The following PRKN variants were observed in gnomAD, a reference collection of about 807,000 sequenced individuals.
The protein encoded by PRKN is E3 ubiquitin-protein ligase parkin.
A neutral mutation model predicts 59.5 loss-of-function variants in PRKN; 56 were observed. The ratio of observed to expected loss-of-function variants is 0.94; its 90% confidence interval spans 0.76 to 1.18. The LOEUF (loss-of-function observed/expected upper bound fraction) is 1.18. Ranked by LOEUF, PRKN falls within the 50% of genes most tolerant of loss-of-function variation. The pLI is 0.00. For missense variants in PRKN, 657 were observed against 596.4 expected (o/e 1.10, Z -1.06); for synonymous variants, 250 against 222.1 (o/e 1.13, Z -1.12).
Position 161,369,410 on chromosome 6 carries a change from C to T in PRKN, c.1168-9205G>A, listed in dbSNP as rs1473325513. ...TTCATCCTCTGGAGGGCGATTCTCC[C>T]TTTGCGCCTGAAGAGGAACATGGTG... On this transcript the variant is annotated intron_variant, in intron 10 of 11. Coordinates refer to ENST00000366898, the MANE Select transcript of PRKN (RefSeq NM_004562.3). This position sits in a 1 kb window ranked among gnomAD's most constrained non-coding sequence, Gnocchi z 5.8. Among the ~76,000 whole-genome samples, 2 of 152,188 alleles carry T rather than the reference C, an allele frequency of 1.3e-5. No individual in the cohort carries two copies. The highest frequency in any genetic ancestry group is 3.9e-4 in the East Asian group (2 of 5,184).
At position 161,498,490 on chromosome 6, in the gene PRKN, A is replaced by G. The variant is rs954751124; in HGVS notation, c.1083+50364T>C. Among the ~76,000 whole-genome samples the G allele has an allele frequency of 1.3e-5, 2 of 152,140 alleles. No individual in the cohort carries two copies. The highest frequency in any genetic ancestry group is 4.8e-5 in the African/African-American group (2 of 41,430). On this transcript the variant is annotated intron_variant, in intron 9 of 11. Transcript: ENST00000366898. The surrounding 1 kb of genome is among the most constrained non-coding windows in gnomAD (Gnocchi z 4.2). ...TCCCTTCTCCCTGAGAGCTTGTGGG[A>G]AGGGTGTGCTGTCCTAACCCAGTTA...
chr6:162,010,957 TAA>T, intron 5 of PRKN, among the ~76,000 whole-genome samples: 1 of 22,168 alleles, frequency 4.5e-5, no homozygotes, highest in African/African-American at 2.4e-4. Flanking sequence ...AATATATAAT[TAA>T]TATAAATAAT....
At chr6:161,843,600 A>G (rs775941281) in intron 6 of PRKN, among the ~76,000 whole-genome samples, 72 of 152,194 alleles carry the variant, frequency 4.7e-4, no homozygotes, top group Admixed American at 1.8e-3. Context: ...AATCTGGCCA[A>G]CATGGTGAAA....
intron 2 of PRKN, among the ~76,000 whole-genome samples, chr6:162,275,800 A>G (rs1162932514): frequency 3.3e-5 from 5 of 151,284 alleles, no homozygotes; most frequent in Middle Eastern, 3.4e-3. Flanking sequence ...AAAAAAAACG[A>G]AATTACAGAC....
chr6:162,070,527 T>C (rs1435655732), intron 4 of PRKN, among the ~76,000 whole-genome samples: 1 of 152,110 alleles, frequency 6.6e-6, no homozygotes, highest in Non-Finnish European at 1.5e-5. Context: ...CTGAGGTCAG[T>C]GGGCTGGTGT....
At chr6:161,862,750 G>C (rs9295172) in intron 6 of PRKN, among the ~76,000 whole-genome samples, 1 of 151,486 alleles carries the variant, frequency 6.6e-6, no homozygotes, top group African/African-American at 2.4e-5. Flanking sequence ...ATTCAGAGGC[G>C]AGAAGGAGTC....
chr6:161,387,001 T>C lies in PRKN; in HGVS notation c.1084-124A>G, dbSNP rs1583005298. The C allele has an allele frequency of 6.2e-6, 5 of 806,330 alleles. No individual in the cohort carries two copies. In the East Asian group the frequency reaches 1.0e-4, roughly 16 times the overall value. The allele number at this position is 806,330 out of a possible 1,614,324, so 49.9% of individuals were successfully genotyped here. ...TTGTGCAACAGTTTCTGTATAAAAA[T>C]ACTTTTTTTGCAAAGAGAAATCAAG... On this transcript the variant is annotated intron_variant, in intron 9 of 11. Coordinates refer to ENST00000366898, the MANE Select transcript of PRKN (RefSeq NM_004562.3).
Position 161,593,003 on chromosome 6 carries a change from A to G in PRKN, c.872-23587T>C, listed in dbSNP as rs1781779124. Among the ~76,000 whole-genome samples the G allele has an allele frequency of 6.6e-6, 1 of 152,176 alleles. No individual in the cohort carries two copies. The highest frequency in any genetic ancestry group is 1.5e-5 in the Non-Finnish European group (1 of 68,032). Reference sequence around the variant, plus strand: ...ATTTTAGAAGGCATTCTACATTATAATAATGTGAGATTTACAGAAGAGTTG... The same window carrying G: ...ATTTTAGAAGGCATTCTACATTATAGTAATGTGAGATTTACAGAAGAGTTG... On this transcript the variant is annotated intron_variant, in intron 7 of 11. Transcript: ENST00000366898. This position sits in a 1 kb window ranked among gnomAD's most constrained non-coding sequence, Gnocchi z 4.8.
At chr6:161,351,257 G>C (rs1308002227) in intron 11 of PRKN, among the ~76,000 whole-genome samples, 1 of 147,414 alleles carries the variant, frequency 6.8e-6, no homozygotes, top group African/African-American at 2.5e-5. Flanking sequence ...TCTTTCTATA[G>C]TGCCACTTAC....
chr6:162,636,127 A>T (rs1777701609), intron 1 of PRKN, among the ~76,000 whole-genome samples: 2 of 150,424 alleles, frequency 1.3e-5, no homozygotes, highest in Non-Finnish European at 2.9e-5. Flanking sequence ...AGCAACAGCT[A>T]TATATTACTT....
In PRKN at chr6:161,707,824, T is replaced by A. The variant is rs538622661; in HGVS notation, c.871+77948A>T. ...CCGTCACTGCCTGCTGCTTTTTTTA[T>A]CCAGGCAAGGAAGCTTCCTAGGGCT... On this transcript the variant is annotated intron_variant, in intron 7 of 11. Transcript: ENST00000366898. Among the ~76,000 whole-genome samples, 4 of 152,292 alleles carry A rather than the reference T, an allele frequency of 2.6e-5. No homozygotes were observed. The South Asian group carries it at 6.2e-4, about 24-fold the overall frequency.
intron 2 of PRKN, among the ~76,000 whole-genome samples, chr6:162,302,408 C>T (rs1319643309): frequency 2.6e-5 from 4 of 152,108 alleles, no homozygotes; most frequent in South Asian, 4.1e-4. Context: ...TTAAAAGAGA[C>T]GTAGCTCATC....
intron 7 of PRKN, among the ~76,000 whole-genome samples, chr6:161,599,910 C>T (rs1266382017): frequency 1.3e-5 from 2 of 152,170 alleles, no homozygotes; most frequent in Non-Finnish European, 2.9e-5. Context: ...CAGGGATTCT[C>T]AAATGTTTCT....
intron 2 of PRKN, among the ~76,000 whole-genome samples, chr6:162,298,370 A>G (rs1476056006): frequency 6.6e-6 from 1 of 151,988 alleles, no homozygotes; most frequent in African/African-American, 2.4e-5. Flanking sequence ...AAGACCTAAC[A>G]ATAGTAACAG....
intron 2 of PRKN, among the ~76,000 whole-genome samples, chr6:162,369,916 C>T (rs371325374): frequency 1.8e-4 from 27 of 152,140 alleles, no homozygotes; most frequent in East Asian, 1.2e-3. Flanking sequence ...TAAGCATCCT[C>T]GTCATGGGGT....
At position 161,355,129 on chromosome 6, in the gene PRKN, ACGAGCAGCAGGGGCTGCCTCCGCACAC is replaced by A. The variant is rs1189134247; in HGVS notation, c.1285+4932_1286-4919del. Among the ~76,000 whole-genome samples the A allele has an allele frequency of 2.0e-5, 3 of 152,220 alleles. No individual in the cohort carries two copies. The highest frequency in any genetic ancestry group is 7.2e-5 in the African/African-American group (3 of 41,472). On this transcript the variant is annotated intron_variant, in intron 11 of 11. Transcript: ENST00000366898. This position sits in a 1 kb window ranked among gnomAD's most constrained non-coding sequence, Gnocchi z 6.8. Reference sequence around the variant, plus strand: ...GGCTCCTGCGTGCGGTGCCTGGAACACGAGCAGCAGGGGCTGCCTCCGCACACCGGCGCGCGCACACCCGGTGTCTTT... The same window carrying A: ...GGCTCCTGCGTGCGGTGCCTGGAACACGGCGCGCGCACACCCGGTGTCTTT...
chr6:162,288,497 G>A (rs1893559), intron 2 of PRKN, among the ~76,000 whole-genome samples: 31,120 of 152,082 alleles, frequency 0.2, 4,574 homozygotes, highest in East Asian at 0.53. Flanking sequence ...AAAGAAGTGT[G>A]CAAGTGAGCT....
chr6:161,540,603 G>A (rs1225096507), intron 9 of PRKN, among the ~76,000 whole-genome samples: 1 of 152,114 alleles, frequency 6.6e-6, no homozygotes, highest in Non-Finnish European at 1.5e-5. Flanking sequence ...CTTGCTCATT[G>A]TGACTAGCAG....
rs563191977 is a variant in PRKN at position 162,057,568 on chromosome 6, C to T, written c.535-3394G>A. Among the ~76,000 whole-genome samples, 17 of 152,290 alleles carry T rather than the reference C, an allele frequency of 1.1e-4. 1 individual carries two copies. In the South Asian group the frequency reaches 3.5e-3, roughly 32 times the overall value. On this transcript the variant is annotated intron_variant, in intron 4 of 11. Coordinates refer to ENST00000366898, the MANE Select transcript of PRKN (RefSeq NM_004562.3). ...CGACCTTGATCACGTTCATCAGCCT[C>T]ATTTTTCTGGCTTAAAGTGAGAAAT...
Sources: gnomAD v4.1 joint callset for allele counts (sites outside exome capture counted in the v4.1 genomes callset) on GRCh38, gnomAD v4.1.1 for gene constraint, Gnocchi (gnomAD v3.1) non-coding constraint, MANE v1.5 for transcripts, NCBI Gene and HGNC (gene_info 2026-07-23, HGNC 2026-07-21) for gene names.